Variants in SPAG16 observed in about 807,000 individuals in gnomAD.
SPAG16 encodes the protein sperm associated antigen 16, also known as sperm-associated antigen 16 protein.
In SPAG16, 86 loss-of-function variants were observed where a neutral mutation model predicts 80.4. The ratio of observed to expected loss-of-function variants is 1.07; its 90% confidence interval spans 0.90 to 1.28. SPAG16 has a LOEUF of 1.28. Among genes scored for constraint, SPAG16 ranks in the 50% most tolerant of loss-of-function variants. The pLI is 0.00. For missense variants in SPAG16, 870 were observed against 765.3 expected (o/e 1.14, Z -1.61); for synonymous variants, 294 against 265.9 (o/e 1.11, Z -1.03).
chr2:214,359,964 C>G lies in SPAG16; in HGVS notation c.1721-50176C>G, dbSNP rs188935134. Among the ~76,000 whole-genome samples, 755 of 151,972 alleles carry G rather than the reference C, an allele frequency of 5.0e-3. 6 individuals are homozygous for G. The highest frequency in any genetic ancestry group is 6.2e-3 in the Non-Finnish European group (423 of 67,856). ...AGTCTACAATTGGCTTACTAATGAG[C>G]ACTGTCAACATGTGGATTGGTCTCA... On this transcript the variant is annotated intron_variant, in intron 15 of 15. Coordinates refer to ENST00000331683, the MANE Select transcript of SPAG16 (RefSeq NM_024532.5).
intron 9 of SPAG16, among the ~76,000 whole-genome samples, chr2:213,381,735 G>A (rs929717596): frequency 1.3e-5 from 2 of 152,206 alleles, no homozygotes; most frequent in African/African-American, 4.8e-5. Context: ...CCTATTGTGA[G>A]AGATGTAGCC....
At chr2:214,321,637 G>T (rs1696103331) in intron 15 of SPAG16, among the ~76,000 whole-genome samples, 1 of 152,142 alleles carries the variant, frequency 6.6e-6, no homozygotes, top group Non-Finnish European at 1.5e-5. Flanking sequence ...TTAGACCCGA[G>T]ATTTTTATTT....
chr2:213,522,425 G>C (rs112614168), intron 10 of SPAG16, among the ~76,000 whole-genome samples: 11 of 152,304 alleles, frequency 7.2e-5, no homozygotes, highest in Admixed American at 2.0e-4. Flanking sequence ...TTTAAAAAGG[G>C]GGGTGGGAAG....
intron 12 of SPAG16, among the ~76,000 whole-genome samples, chr2:213,955,050 T>C (rs2044049651): frequency 6.6e-6 from 1 of 152,180 alleles, no homozygotes; most frequent in Admixed American, 6.5e-5. Flanking sequence ...ATTTCTTTTA[T>C]TTCTTTTTTT....
At chr2:213,604,546 T>C (rs2061186809) in intron 10 of SPAG16, among the ~76,000 whole-genome samples, 1 of 152,342 alleles carries the variant, frequency 6.6e-6, no homozygotes, top group South Asian at 2.1e-4. Context: ...CTAGGTTCAG[T>C]ATCTTCCATA....
chr2:214,072,944 T>G (rs989463275), intron 13 of SPAG16, among the ~76,000 whole-genome samples: 1 of 152,140 alleles, frequency 6.6e-6, no homozygotes, highest in Admixed American at 6.5e-5. Context: ...TGTGTGAATA[T>G]GAACACATAC....
chr2:213,613,070 A>C (rs1324479765), intron 10 of SPAG16, among the ~76,000 whole-genome samples: 21 of 152,162 alleles, frequency 1.4e-4, no homozygotes, highest in Admixed American at 1.4e-3. Context: ...GTTTCTTCAG[A>C]GTGTATGCAG....
At chr2:213,737,319 C>T (rs944486041) in intron 10 of SPAG16, among the ~76,000 whole-genome samples, 1 of 152,116 alleles carries the variant, frequency 6.6e-6, no homozygotes, top group Non-Finnish European at 1.5e-5. Context: ...GCAGTTATAG[C>T]ATACTATACT....
chr2:213,816,463 C>T (rs1467915114), intron 10 of SPAG16, among the ~76,000 whole-genome samples: 1 of 152,014 alleles, frequency 6.6e-6, no homozygotes, highest in Non-Finnish European at 1.5e-5. Flanking sequence ...GTAGGACATG[C>T]ACATATATTT....
At chr2:213,838,797 C>G (rs1444967681) in intron 10 of SPAG16, among the ~76,000 whole-genome samples, 2 of 152,126 alleles carry the variant, frequency 1.3e-5, no homozygotes, top group Middle Eastern at 3.2e-3. Flanking sequence ...ACAACAGGCT[C>G]ATTTGGGGGA....
At chr2:213,816,666 T>C (rs2072559312) in intron 10 of SPAG16, among the ~76,000 whole-genome samples, 1 of 152,090 alleles carries the variant, frequency 6.6e-6, no homozygotes, top group Non-Finnish European at 1.5e-5. Context: ...GATAAAAAGA[T>C]AGCCTTTACA....
intron 10 of SPAG16, among the ~76,000 whole-genome samples, chr2:213,843,021 T>C (rs945806671): frequency 6.6e-6 from 1 of 152,114 alleles, no homozygotes; most frequent in African/African-American, 2.4e-5. Flanking sequence ...CCTCCCACTT[T>C]GGCTTCCCAA....
intron 10 of SPAG16, among the ~76,000 whole-genome samples, chr2:213,602,495 G>A (rs1348119669): frequency 1.3e-5 from 2 of 151,976 alleles, no homozygotes; most frequent in Admixed American, 1.3e-4. Flanking sequence ...TTAGCCGGGC[G>A]TGGTGGTGCA....
At position 214,157,402 on chromosome 2, in the gene SPAG16, A is replaced by C. The variant is rs117716960; in HGVS notation, c.1720+8136A>C. ...ACAGTAAAAAAAACTGTTATGCTTT[A>C]TCTGGAAATTTAACTATTTTTCTCT... is the stretch of plus-strand genomic sequence containing the variant. On this transcript the variant is annotated intron_variant, in intron 15 of 15. Coordinates refer to ENST00000331683, the MANE Select transcript of SPAG16 (RefSeq NM_024532.5). 3.9e-3 allele frequency among the ~76,000 whole-genome samples: 595 copies of C among 152,266 alleles called. 9 individuals carry two copies. The highest frequency in any genetic ancestry group is 0.024 in the Admixed American group (374 of 15,276).
chr2:213,608,416 A>G (rs2061337124), intron 10 of SPAG16, among the ~76,000 whole-genome samples: 1 of 152,114 alleles, frequency 6.6e-6, no homozygotes, highest in Non-Finnish European at 1.5e-5. Flanking sequence ...GAGTGAGAAC[A>G]TGCGGTGTTT....
chr2:214,112,941 T>G (rs2053749568), intron 14 of SPAG16, among the ~76,000 whole-genome samples: 2 of 152,206 alleles, frequency 1.3e-5, no homozygotes, highest in African/African-American at 4.8e-5. Context: ...ATTTGGCATG[T>G]TTTTACAGTG....
rs76671747 is a variant in SPAG16, at chr2:214,410,496, T to G, written c.*181T>G. On this transcript the variant is annotated 3_prime_UTR_variant, in exon 16 of 16. Coordinates refer to ENST00000331683, the MANE Select transcript of SPAG16 (RefSeq NM_024532.5). ...TGTTACTAATAAAAAAATAACTTTA[T>G]GCTCACCCATTTGTGTCAGGGTCTT... The G allele has an allele frequency of 2.1e-6, 1 of 465,864 alleles. No individual in the cohort carries two copies. The highest frequency in any genetic ancestry group is 3.6e-6 in the Non-Finnish European group (1 of 274,632). 28.9% of individuals were successfully genotyped at this position (465,864 alleles called of 1,614,324 possible). A position where few individuals can be genotyped will look rare whatever the true frequency, so the allele number is the denominator to read the frequency against.
At chr2:213,517,736 C>A (rs144200458) in intron 10 of SPAG16, among the ~76,000 whole-genome samples, 1 of 152,186 alleles carries the variant, frequency 6.6e-6, no homozygotes, top group Non-Finnish European at 1.5e-5. Context: ...AGTGCTGGGA[C>A]AATCGGCCCG....
At chr2:214,360,326 T>A (rs1699103860) in intron 15 of SPAG16, among the ~76,000 whole-genome samples, 1 of 151,898 alleles carries the variant, frequency 6.6e-6, no homozygotes, top group Non-Finnish European at 1.5e-5. Flanking sequence ...CAAGTCTCTT[T>A]AACTCTTAAA....
Sources: gnomAD v4.1 joint callset for allele counts (sites outside exome capture counted in the v4.1 genomes callset) on GRCh38, gnomAD v4.1.1 for gene constraint, MANE v1.5 for transcripts, NCBI Gene and HGNC (gene_info 2026-07-23, HGNC 2026-07-21) for gene names.